Variants in CDH13 observed in about 807,000 individuals in gnomAD.
CDH13 encodes the protein cadherin-13.
Under a neutral mutation model 63.8 loss-of-function variants are expected in CDH13, and 24 were observed. The observed-to-expected ratio is 0.38, with a 90% confidence interval of 0.27 to 0.53. The LOEUF (loss-of-function observed/expected upper bound fraction) is 0.53, where lower values mean the gene tolerates loss of function less well. Ranked by LOEUF, CDH13 falls within the 20% of genes least tolerant of loss-of-function variation. CDH13 has a pLI of 0.85. For missense variants in CDH13, 1,049 were observed against 903.1 expected, an observed-to-expected ratio of 1.16 and a Z score of -2.07; for synonymous variants, 503 against 355.3, an observed-to-expected ratio of 1.42 and a Z score of -4.67.
At chr16:83,046,729 A>G (rs904330841) in intron 3 of CDH13, among the ~76,000 whole-genome samples, 2 of 152,196 alleles carry the variant, frequency 1.3e-5, no homozygotes, top group Non-Finnish European at 1.5e-5. Context: ...CTTCCAAGCA[A>G]CAGCCCCAGA....
chr16:82,890,812 C>A (rs1383519023), intron 2 of CDH13, among the ~76,000 whole-genome samples: 1 of 152,050 alleles, frequency 6.6e-6, no homozygotes, highest in African/African-American at 2.4e-5. Flanking sequence ...CCACCACGCC[C>A]AGCTAATTTT....
At chr16:83,155,795 G>A (rs1481919546) in intron 4 of CDH13, among the ~76,000 whole-genome samples, 1 of 152,184 alleles carries the variant, frequency 6.6e-6, no homozygotes, top group Non-Finnish European at 1.5e-5. Flanking sequence ...GTGTAGTCAA[G>A]TCAAGGCAGT....
chr16:82,711,508 G>A (rs1380514591), intron 1 of CDH13, among the ~76,000 whole-genome samples: 1 of 152,148 alleles, frequency 6.6e-6, no homozygotes, highest in Non-Finnish European at 1.5e-5. Context: ...TTCAAGAGGT[G>A]ATGCCACTTG....
intron 6 of CDH13, among the ~76,000 whole-genome samples, chr16:83,399,636 T>A (rs1228894615): frequency 6.6e-6 from 1 of 152,150 alleles, no homozygotes; most frequent in African/African-American, 2.4e-5. Context: ...ACTTCTGAGA[T>A]GAGGTCATAA....
intron 1 of CDH13, among the ~76,000 whole-genome samples, chr16:82,837,453 A>AG (rs34734166): frequency 0.96 from 145,956 of 152,064 alleles, 70,332 homozygotes; most frequent in East Asian, 1. Flanking sequence ...GAAGTCCTAG[A>AG]GTCCCCAAGG....
intron 11 of CDH13, among the ~76,000 whole-genome samples, chr16:83,776,204 G>A (rs994700306): frequency 3.3e-5 from 5 of 152,134 alleles, no homozygotes; most frequent in Non-Finnish European, 5.9e-5. Flanking sequence ...CAATTCTTAT[G>A]GCCGTATTTC....
intron 6 of CDH13, among the ~76,000 whole-genome samples, chr16:83,466,086 C>T (rs920770017): frequency 1.5e-4 from 23 of 152,210 alleles, no homozygotes; most frequent in African/African-American, 5.3e-4. Flanking sequence ...CCCCCGCAAC[C>T]CCATGGTCAA....
chr16:83,722,378 G>T (rs931955607), intron 10 of CDH13, among the ~76,000 whole-genome samples: 7 of 152,322 alleles, frequency 4.6e-5, no homozygotes, highest in African/African-American at 1.7e-4. Context: ...GTGTAGCAGT[G>T]TTGCCCTAGA....
intron 2 of CDH13, among the ~76,000 whole-genome samples, chr16:83,026,100 A>G (rs149458323): frequency 1.9e-3 from 289 of 152,312 alleles, no homozygotes; most frequent in African/African-American, 6.7e-3. Context: ...ACTGTTAGCT[A>G]TTTGATTTAG....
chr16:83,160,581 G>A (rs1363123015), intron 4 of CDH13, among the ~76,000 whole-genome samples: 4 of 152,102 alleles, frequency 2.6e-5, no homozygotes, highest in Admixed American at 6.5e-5. Context: ...GTGCTCGTGT[G>A]GCCTTCCAAA....
chr16:82,977,954 A>C (rs1169209072), intron 2 of CDH13, among the ~76,000 whole-genome samples: 3 of 152,190 alleles, frequency 2.0e-5, no homozygotes, highest in Admixed American at 2.0e-4. Context: ...TGATATGGAC[A>C]ATGAAGTCCA....
At chr16:83,592,001 C>G (rs751622937) in intron 7 of CDH13, among the ~76,000 whole-genome samples, 1 of 152,182 alleles carries the variant, frequency 6.6e-6, no homozygotes, top group Non-Finnish European at 1.5e-5. Context: ...CTGCAGGAAT[C>G]ACTGCTTAAT....
chr16:82,682,253 C>T (rs1034346881), intron 1 of CDH13, among the ~76,000 whole-genome samples: 1 of 152,130 alleles, frequency 6.6e-6, no homozygotes, highest in Admixed American at 6.5e-5. Flanking sequence ...TGCAGATTCC[C>T]AGGCCCCACC....
intron 1 of CDH13, among the ~76,000 whole-genome samples, chr16:82,842,106 A>ATG (rs2039038570): frequency 1.8e-4 from 7 of 38,742 alleles, no homozygotes; most frequent in Admixed American, 5.6e-4. Context: ...ATATATATAT[A>ATG]TATATGTATA....
chr16:83,524,022 C>T (rs1317403340), intron 7 of CDH13, among the ~76,000 whole-genome samples: 1 of 152,188 alleles, frequency 6.6e-6, no homozygotes, highest in East Asian at 1.9e-4. Context: ...AGCTCTTAAT[C>T]ACTTACCCTG....
intron 5 of CDH13, among the ~76,000 whole-genome samples, chr16:83,336,267 C>T (rs1449273282): frequency 6.8e-6 from 1 of 146,426 alleles, no homozygotes; most frequent in East Asian, 2.0e-4. Flanking sequence ...CGCCACTGTA[C>T]TCCAGCATGG....
Position 83,418,185 on chromosome 16 carries a change from C to G in CDH13, c.782-68292C>G, listed in dbSNP as rs528620402. Among the ~76,000 whole-genome samples the G allele has an allele frequency of 3.3e-5, 5 of 152,266 alleles. No homozygotes were observed. In the South Asian group the frequency reaches 1.0e-3, roughly 32 times the overall value. On this transcript the variant is annotated intron_variant, in intron 6 of 13. Transcript: ENST00000567109. ...CTCGTCTTACTGTGCTACACTTTTC[C>G]TCATTTGAAAAATGGAGGGCGGTCT... is the stretch of plus-strand genomic sequence containing the variant.
intron 6 of CDH13, among the ~76,000 whole-genome samples, chr16:83,444,144 T>C (rs1216922632): frequency 2.1e-5 from 3 of 143,722 alleles, no homozygotes; most frequent in African/African-American, 5.0e-5. Context: ...ATGTGGCTGC[T>C]GATGTGACAA....
At chr16:82,809,795 C>G (rs575503633) in intron 1 of CDH13, among the ~76,000 whole-genome samples, 2 of 152,180 alleles carry the variant, frequency 1.3e-5, no homozygotes, top group African/African-American at 2.4e-5. Flanking sequence ...GCTAACAAGT[C>G]CCCTGATTTA....
Sources: allele counts gnomAD v4.1 joint callset (sites outside exome capture counted in the v4.1 genomes callset), GRCh38; gene constraint gnomAD v4.1.1; transcripts MANE v1.5; gene names NCBI Gene and HGNC (gene_info 2026-07-23, HGNC 2026-07-21).